The following COMMD7 variants were observed in gnomAD, a reference collection of about 807,000 sequenced individuals.
COMMD7 encodes COMM domain containing 7.
In COMMD7, 28 loss-of-function variants were observed where a neutral mutation model predicts 34.8. The observed-to-expected ratio is 0.80, with a 90% CI of 0.60 to 1.10. The LOEUF (loss-of-function observed/expected upper bound fraction) is 1.10. COMMD7 is among the 50% of genes least tolerant of loss of function. The pLI is 0.00. For synonymous variants in COMMD7, 80 were observed against 86.4 expected, an observed-to-expected ratio of 0.93 and a Z score of 0.41; for missense variants, 211 against 241.6, an observed-to-expected ratio of 0.87 and a Z score of 0.84.
intron 3 of COMMD7, among the ~76,000 whole-genome samples, chr20:32,713,105 A>G (rs1600973979): frequency 7.0e-6 from 1 of 143,044 alleles, no homozygotes; most frequent in Non-Finnish European, 1.5e-5. Context: ...CTGGAGCACA[A>G]TGGTGCAATC....
Position 32,728,059 on chromosome 20 carries a change from C to A in COMMD7, c.138+30G>T, listed in dbSNP as rs1345195553. ...TCTAAGCATCTCAGGGAGCACGGAC[C>A]CACTCCCTAACACAGAATGTTTTAT... On this transcript the variant is annotated intron_variant, in intron 2 of 8. Transcript: ENST00000278980. 2.0e-5 allele frequency: 32 copies of A among 1,611,646 alleles called. No homozygotes were observed. The South Asian group carries it at 3.3e-4, about 17-fold the overall frequency.
intron 3 of COMMD7, among the ~76,000 whole-genome samples, chr20:32,719,711 A>G (rs1985039799): frequency 6.6e-6 from 1 of 152,172 alleles, no homozygotes; most frequent in Admixed American, 6.6e-5. Context: ...TAGCCCAGAC[A>G]TACATTCACA....
Position 32,706,772 on chromosome 20 carries a change from G to A in COMMD7, c.242-12C>T, listed in dbSNP as rs187027575. The A allele has an allele frequency of 8.7e-6, 14 of 1,612,410 alleles. No individual in the cohort carries two copies. The African/African-American group carries it at 1.6e-4, about 18-fold the overall frequency. ...CTTCTTCAAAGCACCTGGGAGGCAG[G>A]GGAGAAATCAGTTAGAAAGGCAGAC... is the stretch of plus-strand genomic sequence containing the variant. On this transcript the variant is annotated splice_polypyrimidine_tract_variant and intron_variant, in intron 3 of 8. Transcript: ENST00000278980.
intron 1 of COMMD7, among the ~76,000 whole-genome samples, chr20:32,737,363 C>T (rs1986189406): frequency 5.2e-5 from 1 of 19,198 alleles, no homozygotes; most frequent in Non-Finnish European, 2.1e-4. Flanking sequence ...GAGCAAGACT[C>T]CGTCTCAAAA....
intron 1 of COMMD7, among the ~76,000 whole-genome samples, chr20:32,728,837 AT>A (rs1390769638): frequency 6.6e-6 from 1 of 152,132 alleles, no homozygotes; most frequent in Non-Finnish European, 1.5e-5. Flanking sequence ...AAGTGCTGGA[AT>A]TATAGGCATA....
At chr20:32,720,856 T>G (rs1696764138) in intron 3 of COMMD7, among the ~76,000 whole-genome samples, 1 of 152,134 alleles carries the variant, frequency 6.6e-6, no homozygotes, top group Admixed American at 6.6e-5. Flanking sequence ...CAGCATCTCC[T>G]AAATTCTATT....
intron 3 of COMMD7, among the ~76,000 whole-genome samples, chr20:32,717,453 G>A (rs1984866452): frequency 6.6e-6 from 1 of 151,604 alleles, no homozygotes; most frequent in Non-Finnish European, 1.5e-5. Flanking sequence ...ATCCTCCCAA[G>A]TAGCTGGGAT....
At chr20:32,710,294 G>C (rs1298032941) in intron 3 of COMMD7, among the ~76,000 whole-genome samples, 2 of 151,972 alleles carry the variant, frequency 1.3e-5, no homozygotes, top group East Asian at 3.9e-4. Flanking sequence ...TTTTCCACTA[G>C]AACACCAGCT....
At chr20:32,716,967 G>A (rs571663733) in intron 3 of COMMD7, among the ~76,000 whole-genome samples, 3 of 152,076 alleles carry the variant, frequency 2.0e-5, no homozygotes, top group East Asian at 1.9e-4. Context: ...ATGTAGCTGG[G>A]ACTACAGGTG....
At chr20:32,707,314 TCTCAAA>T (rs1219514148) in intron 3 of COMMD7, among the ~76,000 whole-genome samples, 17 of 123,068 alleles carry the variant, frequency 1.4e-4, no homozygotes, top group Non-Finnish European at 2.4e-4. Context: ...TATATACTTA[TCTCAAA>T]ATATATATAT....
chr20:32,732,574 T>C (rs1985900210), intron 1 of COMMD7, among the ~76,000 whole-genome samples: 2 of 151,224 alleles, frequency 1.3e-5, no homozygotes, highest in Admixed American at 1.3e-4. Flanking sequence ...AAGCATTATG[T>C]TCAGGCAACA....
At chr20:32,739,428 G>C (rs1017926083) in intron 1 of COMMD7, among the ~76,000 whole-genome samples, 1 of 151,486 alleles carries the variant, frequency 6.6e-6, no homozygotes, top group Non-Finnish European at 1.5e-5. Context: ...GGCGGATCAC[G>C]AGGTCAGGAG....
At chr20:32,712,269 C>CAAAAAAAAAAAA (rs56096713) in intron 3 of COMMD7, among the ~76,000 whole-genome samples, 1 of 71,844 alleles carries the variant, frequency 1.4e-5, no homozygotes, top group African/African-American at 6.1e-5. Context: ...GACTCCGTCT[C>CAAAAAAAAAAAA]AAAAAAAAAA....
At chr20:32,733,403 A>C (rs1436833219) in intron 1 of COMMD7, among the ~76,000 whole-genome samples, 1 of 151,036 alleles carries the variant, frequency 6.6e-6, no homozygotes, top group Non-Finnish European at 1.5e-5. Context: ...CAACTTAGCC[A>C]AACAAACCCC....
At chr20:32,727,429 C>G (rs889114843) in intron 3 of COMMD7, among the ~76,000 whole-genome samples, 14 of 149,106 alleles carry the variant, frequency 9.4e-5, no homozygotes, top group Non-Finnish European at 7.4e-5. Flanking sequence ...CCCAGCTACT[C>G]GGGAAGCTGA....
intron 1 of COMMD7, among the ~76,000 whole-genome samples, chr20:32,741,128 G>A (rs1986415612): frequency 6.8e-6 from 1 of 147,696 alleles, no homozygotes; most frequent in Non-Finnish European, 1.5e-5. Context: ...GGGTGACAGA[G>A]GAAGACTCCG....
intron 3 of COMMD7, among the ~76,000 whole-genome samples, chr20:32,726,955 G>A (rs1346725668): frequency 6.6e-6 from 1 of 152,238 alleles, no homozygotes. Context: ...CTGAACCTGG[G>A]CATGGTGGCT....
chr20:32,738,087 C>A (rs1042552825), intron 1 of COMMD7, among the ~76,000 whole-genome samples: 14 of 152,230 alleles, frequency 9.2e-5, no homozygotes, highest in African/African-American at 2.9e-4. Flanking sequence ...AACACGTGAT[C>A]CTAAATTCCT....
chr20:32,718,780 C>CA (rs11484216), intron 3 of COMMD7, among the ~76,000 whole-genome samples: 2,461 of 128,474 alleles, frequency 0.019, 47 homozygotes, highest in African/African-American at 0.051. Flanking sequence ...CTCCCCCTGC[C>CA]AAAAAAAAAA....
Sources: gnomAD v4.1 joint callset for allele counts (sites outside exome capture counted in the v4.1 genomes callset) on GRCh38, gnomAD v4.1.1 for gene constraint, MANE v1.5 for transcripts, NCBI Gene and HGNC (gene_info 2026-07-23, HGNC 2026-07-21) for gene names.